Variants in SH3D19 observed in about 807,000 individuals in gnomAD.
The protein encoded by SH3D19 is SH3 domain containing 19.
SH3D19 carries 58 observed loss-of-function variants against 112.1 expected under a neutral mutation model. That is an observed-to-expected ratio of 0.52 (90% CI 0.42 to 0.64). SH3D19 has a LOEUF of 0.64. SH3D19 is among the 30% of genes least tolerant of loss of function. SH3D19 has a pLI of 0.00. For missense variants in SH3D19, 1,090 were observed against 1,263.4 expected, an observed-to-expected ratio of 0.86 and a Z score of 2.08; for synonymous variants, 391 against 448.5, an observed-to-expected ratio of 0.87 and a Z score of 1.62.
intron 1 of SH3D19, among the ~76,000 whole-genome samples, chr4:151,319,946 T>G (rs866862456): frequency 6.6e-6 from 1 of 152,220 alleles, no homozygotes; most frequent in African/African-American, 2.4e-5. Flanking sequence ...AAAACCTGCA[T>G]TCAAATCACC....
At chr4:151,130,191 T>C (rs959776680) in intron 17 of SH3D19, among the ~76,000 whole-genome samples, 1 of 152,110 alleles carries the variant, frequency 6.6e-6, no homozygotes, top group Non-Finnish European at 1.5e-5. Flanking sequence ...CCTGTAATCC[T>C]AGTACCTTGG....
intron 1 of SH3D19, among the ~76,000 whole-genome samples, chr4:151,267,701 T>C (rs1335330542): frequency 1.3e-5 from 2 of 152,212 alleles, no homozygotes; most frequent in East Asian, 1.9e-4. Context: ...ATTCCTTTAG[T>C]ATGAGAAGTG....
At chr4:151,143,805 A>T in intron 12 of SH3D19, 105 bp downstream of exon 12, 1 of 1,303,674 alleles carries the variant, frequency 7.7e-7, no homozygotes, top group Non-Finnish European at 1.1e-6. Context: ...TACTCTGGTT[A>T]AAATAAATGT....
chr4:151,282,529 T>C, intron 1 of SH3D19: 1 of 977,428 alleles, frequency 1.0e-6, no homozygotes, highest in Non-Finnish European at 1.5e-6. Context: ...ACCAGATCAA[T>C]CTAATGATAT....
At chr4:151,270,790 T>C (rs1773176053) in intron 1 of SH3D19, among the ~76,000 whole-genome samples, 1 of 152,234 alleles carries the variant, frequency 6.6e-6, no homozygotes, top group South Asian at 2.1e-4. Flanking sequence ...ATGGACTAAT[T>C]CTAGCACTTA....
At chr4:151,227,670 C>T (rs1309930029) in intron 1 of SH3D19, 33 of 838,070 alleles carry the variant, frequency 3.9e-5, no homozygotes, top group East Asian at 2.5e-4. Context: ...CTGCTAGCTT[C>T]GCTACAAAAA....
chr4:151,122,244 T>G, intron 19 of SH3D19, 37 bp from the exon 20 acceptor site: 1 of 1,168,146 alleles, frequency 8.6e-7, no homozygotes, highest in South Asian at 1.2e-5. Flanking sequence ...CTGGTTTCTG[T>G]TGAGAATAAG....
chr4:151,126,873 A>G lies in SH3D19; in HGVS notation c.3027+745T>C, dbSNP rs1171872945. Among the ~76,000 whole-genome samples, 36 of 13,672 alleles carry G rather than the reference A, an allele frequency of 2.6e-3. 2 individuals carry two copies. In the Admixed American group the frequency reaches 0.054, roughly 21 times the overall value. The allele number at this position is 13,672 out of a possible 152,430, so 9.0% of individuals were successfully genotyped here. A position where few individuals can be genotyped will look rare whatever the true frequency, so the allele number is the denominator to read the frequency against. On this transcript the variant is annotated intron_variant, in intron 19 of 19. Coordinates refer to ENST00000604030, the MANE Select transcript of SH3D19 (RefSeq NM_001378122.1). ...AAGAAATTAGGCATTTCTTCGGTGA[A>G]AAAAAAAAAAAAAAAAACCTTTGCA...
chr4:151,211,754 C>G (rs1766012575), intron 2 of SH3D19, among the ~76,000 whole-genome samples: 1 of 152,302 alleles, frequency 6.6e-6, no homozygotes, highest in East Asian at 1.9e-4. Context: ...AAGCAAGGTC[C>G]TAACTCTCTT....
chr4:151,147,772 AATTT>A, intron 11 of SH3D19, 146 bp downstream of exon 11: 5 of 992,442 alleles, frequency 5.0e-6, no homozygotes, highest in Non-Finnish European at 7.2e-6. Flanking sequence ...CAAGACCTAG[AATTT>A]ATTATGGCCT....
chr4:151,284,043 G>A (rs1403098748), intron 1 of SH3D19, among the ~76,000 whole-genome samples: 4 of 152,078 alleles, frequency 2.6e-5, no homozygotes, highest in South Asian at 2.1e-4. Flanking sequence ...TGATGTACTA[G>A]GTGTGGTTTT....
chr4:151,131,648 G>A (rs572168364), intron 17 of SH3D19, among the ~76,000 whole-genome samples: 23 of 151,934 alleles, frequency 1.5e-4, no homozygotes, highest in African/African-American at 5.3e-4. Context: ...CACCACACCC[G>A]GCTGATTTTT....
At chr4:151,279,989 C>T in intron 1 of SH3D19, 1 of 1,316,350 alleles carries the variant, frequency 7.6e-7, no homozygotes, top group Non-Finnish European at 1.0e-6. Flanking sequence ...AACACACAGA[C>T]AGGTTCTCAG....
At chr4:151,283,332 AT>A in intron 1 of SH3D19, 1 of 1,571,166 alleles carries the variant, frequency 6.4e-7, no homozygotes, top group South Asian at 1.1e-5. Flanking sequence ...TGAGATCTTA[AT>A]TTGGATCCAG....
intron 1 of SH3D19, among the ~76,000 whole-genome samples, chr4:151,281,257 T>C (rs375152212): frequency 6.6e-6 from 1 of 152,134 alleles, no homozygotes; most frequent in South Asian, 2.1e-4. Context: ...AGACTGGTGA[T>C]GGGTATAAAG....
intron 1 of SH3D19, among the ~76,000 whole-genome samples, chr4:151,284,125 AAC>A (rs1774511613): frequency 6.6e-6 from 1 of 152,180 alleles, no homozygotes; most frequent in African/African-American, 2.4e-5. Flanking sequence ...ATATTTCACC[AAC>A]ACTTGGAAAT....
intron 2 of SH3D19, among the ~76,000 whole-genome samples, chr4:151,204,181 G>A (rs1387174920): frequency 6.6e-6 from 1 of 152,160 alleles, no homozygotes. Flanking sequence ...ACACTGAACT[G>A]TAAACACTGA....
In SH3D19 at chr4:151,149,384, A is replaced by G; in HGVS notation, c.1817+116T>C. ...ATTAGGGGCCTGCGTGAAATCGGTG[A>G]GATTATTTTATCTCTAAAAAAAGAT... On this transcript the variant is annotated intron_variant, in intron 10 of 19. Coordinates refer to ENST00000604030, the MANE Select transcript of SH3D19 (RefSeq NM_001378122.1). 3 of 773,402 alleles carry G rather than the reference A, an allele frequency of 3.9e-6. No individual in the cohort carries two copies. In the Middle Eastern group the frequency reaches 7.4e-4, roughly 190 times the overall value. The allele number at this position is 773,402 out of a possible 1,614,324, so 47.9% of individuals were successfully genotyped here.
At chr4:151,258,671 A>G (rs72967559) in intron 1 of SH3D19, among the ~76,000 whole-genome samples, 3,244 of 152,068 alleles carry the variant, frequency 0.021, 125 homozygotes, top group African/African-American at 0.074. Context: ...AGACCCCCCA[A>G]TTCCTCCCTT....
Sources: gnomAD v4.1 joint callset for allele counts (sites outside exome capture counted in the v4.1 genomes callset) on GRCh38, gnomAD v4.1.1 for gene constraint, MANE v1.5 for transcripts, NCBI Gene and HGNC (gene_info 2026-07-23, HGNC 2026-07-21) for gene names.